The following RGS5 variants were observed in gnomAD, a reference collection of about 807,000 sequenced individuals.
RGS5 encodes regulator of G-protein signalling 5.
In RGS5, 20 loss-of-function variants were observed where a neutral mutation model predicts 18.9. The ratio of observed to expected loss-of-function variants is 1.06; its 90% CI spans 0.74 to 1.54. The LOEUF is 1.54. RGS5 is among the 40% of genes most tolerant of loss of function. RGS5 has a pLI of 0.00. For missense variants in RGS5, 201 were observed against 211.8 expected (o/e 0.95, Z 0.32); for synonymous variants, 57 against 76.2 (o/e 0.75, Z 1.31).
upstream of RGS5, among the ~76,000 whole-genome samples, chr1:163,204,816 C>T (rs1229887100): frequency 6.6e-6 from 1 of 152,058 alleles, no homozygotes; most frequent in African/African-American, 2.4e-5. Flanking sequence ...GGACAAGAGT[C>T]TAAATCATTA....
chr1:163,285,956 T>G (rs1571341173), intron 2 of RGS5, among the ~76,000 whole-genome samples: 1 of 151,850 alleles, frequency 6.6e-6, no homozygotes, highest in East Asian at 1.9e-4. Flanking sequence ...GGTATGTCTT[T>G]ATAGCAGTGT....
At position 163,175,655 on chromosome 1, in the gene RGS5, C is replaced by A. The variant is rs184614324; in HGVS notation, c.45-7287G>T. ...ACCATCTACCCTATTTCTGAATTTA[C>A]CTACTTCAGTTTGAACTACAGAAAA... On this transcript the variant is annotated intron_variant, in intron 1 of 4. Transcript: ENST00000313961. Among the ~76,000 whole-genome samples the A allele has an allele frequency of 1.2e-4, 19 of 152,268 alleles. No individual in the cohort carries two copies. The East Asian group carries it at 3.1e-3, about 25-fold the overall frequency.
chr1:163,197,835 G>A (rs890362641), intron 1 of RGS5, among the ~76,000 whole-genome samples: 6 of 152,054 alleles, frequency 3.9e-5, no homozygotes, highest in Non-Finnish European at 5.9e-5. Context: ...CCTCTCTCAG[G>A]TTTCTTTGAT....
intron 1 of RGS5, among the ~76,000 whole-genome samples, chr1:163,181,445 G>A (rs1406510999): frequency 3.9e-5 from 6 of 152,224 alleles, no homozygotes; most frequent in Admixed American, 2.0e-4. Context: ...CAAAACAGAG[G>A]CATATTTAAG....
intron 1 of RGS5, among the ~76,000 whole-genome samples, chr1:163,200,502 C>T (rs545221545): frequency 1.3e-5 from 2 of 152,114 alleles, no homozygotes; most frequent in Middle Eastern, 6.8e-3. Flanking sequence ...GATAATAGAG[C>T]CATGGAAGGC....
At position 163,145,498 on chromosome 1, in the gene RGS5, A is replaced by T. The variant is rs1049939758; in HGVS notation, c.*1844T>A. ...TCTGAGTTCCTTGTCAATCCTACAC[A>T]ATTGCATGCAATGAGAACTTCATGA... On this transcript the variant is annotated 3_prime_UTR_variant, in exon 5 of 5. Coordinates refer to ENST00000313961, the MANE Select transcript of RGS5 (RefSeq NM_003617.4). 2.0e-5 allele frequency: 3 copies of T among 152,104 alleles called. No individual in the cohort carries two copies. Among genetic ancestry groups the T allele is most frequent in the Non-Finnish European group, 4.4e-5 (3 of 68,036 alleles). 9.4% of individuals were successfully genotyped at this position (152,104 alleles called of 1,614,324 possible).
At chr1:163,279,120 C>T (rs1648929541) in intron 2 of RGS5, among the ~76,000 whole-genome samples, 1 of 152,066 alleles carries the variant, frequency 6.6e-6, no homozygotes, top group Non-Finnish European at 1.5e-5. Context: ...ATAATCTAGA[C>T]AGAAGATCAA....
At chr1:163,268,752 G>A (rs1218549147) in intron 2 of RGS5, among the ~76,000 whole-genome samples, 8 of 152,102 alleles carry the variant, frequency 5.3e-5, no homozygotes, top group Admixed American at 3.9e-4. Flanking sequence ...GAAAACACCA[G>A]TAAAGGCTCT....
At chr1:163,300,935 T>G (rs568690263) in intron 2 of RGS5, among the ~76,000 whole-genome samples, 1 of 152,176 alleles carries the variant, frequency 6.6e-6, no homozygotes, top group Non-Finnish European at 1.5e-5. Context: ...CACGTTGTGT[T>G]GTGCATAGGA....
chr1:163,253,107 A>G lies in RGS5; in HGVS notation c.-281+53126T>C, dbSNP rs999159811. ...CCCTAAAATTTCACTAGGATGAACA[A>G]ATTTTTTGCAACATCTTCCTAATAA... On this transcript the variant is annotated intron_variant, in intron 2 of 5. Coordinates refer to the RGS5 transcript ENST00000618415. Among the ~76,000 whole-genome samples the G allele has an allele frequency of 3.9e-5, 6 of 152,204 alleles. No homozygotes were observed. In the South Asian group the frequency reaches 1.2e-3, roughly 32 times the overall value.
chr1:163,162,614 T>C (rs780143131), intron 2 of RGS5, among the ~76,000 whole-genome samples: 2 of 148,872 alleles, frequency 1.3e-5, no homozygotes, highest in Non-Finnish European at 3.0e-5. Context: ...AAAAAAAGAG[T>C]GGTTAATATA....
chr1:163,238,325 A>T (rs1019839138), intron 2 of RGS5, among the ~76,000 whole-genome samples: 2 of 152,246 alleles, frequency 1.3e-5, no homozygotes, highest in African/African-American at 4.8e-5. Flanking sequence ...ATTAATTGCC[A>T]CAATCTGAAC....
chr1:163,311,917 C>A (rs1649874560), intron 1 of RGS5, among the ~76,000 whole-genome samples: 1 of 152,200 alleles, frequency 6.6e-6, no homozygotes, highest in South Asian at 2.1e-4. Flanking sequence ...GTCAAAAATG[C>A]AGTATCTGCA....
chr1:163,180,019 A>C (rs7528044), intron 1 of RGS5, among the ~76,000 whole-genome samples: 18,154 of 152,084 alleles, frequency 0.12, 1,091 homozygotes, highest in South Asian at 0.22. Flanking sequence ...CTTCCCAGAA[A>C]ATCCTTTTAT....
At chr1:163,226,233 G>A (rs1036587390) in intron 2 of RGS5, among the ~76,000 whole-genome samples, 14 of 151,988 alleles carry the variant, frequency 9.2e-5, no homozygotes, top group Non-Finnish European at 1.3e-4. Context: ...GGTCAAAATC[G>A]CAAGTAATTT....
intron 2 of RGS5, chr1:163,304,659 T>C (rs1440593833): frequency 1.3e-5 from 2 of 152,258 alleles, no homozygotes; most frequent in African/African-American, 4.8e-5. Context: ...TTCATGTTTA[T>C]ACTGCCAGCA....
intron 2 of RGS5, among the ~76,000 whole-genome samples, chr1:163,296,490 G>A (rs1484228192): frequency 6.6e-6 from 1 of 152,094 alleles, no homozygotes; most frequent in Non-Finnish European, 1.5e-5. Flanking sequence ...GATATAAACT[G>A]CAGATAAATC....
rs1056083141 is a variant in RGS5 at position 163,143,516 on chromosome 1, A to G, written c.*3826T>C. 2.6e-5 allele frequency: 4 copies of G among 152,210 alleles called. No individual in the cohort carries two copies. The highest frequency in any genetic ancestry group is 5.9e-5 in the Non-Finnish European group (4 of 68,034). The allele number at this position is 152,210 out of a possible 1,614,324, so 9.4% of individuals were successfully genotyped here. ...ATCTAGCTGCATTGCAAGTCAGAAA[A>G]TACCTTCCTGCAAATATGGAAGATG... On this transcript the variant is annotated 3_prime_UTR_variant, in exon 5 of 5. Transcript: ENST00000313961.
chr1:163,256,315 TAACAGACA>T (rs1461227578), intron 2 of RGS5, among the ~76,000 whole-genome samples: 5 of 140,830 alleles, frequency 3.6e-5, no homozygotes, highest in African/African-American at 1.4e-4. Flanking sequence ...TATACACCAA[TAACAGACA>T]AACAGAGAGC....
Sources: gnomAD v4.1 joint callset for allele counts (sites outside exome capture counted in the v4.1 genomes callset) on GRCh38, gnomAD v4.1.1 for gene constraint, MANE v1.5 for transcripts, NCBI Gene and HGNC (gene_info 2026-07-23, HGNC 2026-07-21) for gene names.